Variants in ME1 observed in about 807,000 individuals in gnomAD.
ME1 encodes NADP-dependent malic enzyme.
Under a neutral mutation model 66.4 loss-of-function variants are expected in ME1, and 74 were observed. The observed-to-expected ratio is 1.11, with a 90% confidence interval of 0.92 to 1.35. ME1 has a LOEUF of 1.35. Ranked by LOEUF, ME1 falls within the 40% of genes most tolerant of loss-of-function variation. ME1 has a pLI of 0.00. For missense variants in ME1, 750 were observed against 694.1 expected, an observed-to-expected ratio of 1.08 and a Z score of -0.90; for synonymous variants, 251 against 235.6, an observed-to-expected ratio of 1.07 and a Z score of -0.60.
At chr6:83,390,223 A>G (rs1289609790) in intron 3 of ME1, among the ~76,000 whole-genome samples, 1 of 152,192 alleles carries the variant, frequency 6.6e-6, no homozygotes, top group African/African-American at 2.4e-5. Flanking sequence ...TTTGTTTGTA[A>G]CTATGTTAAG....
chr6:83,262,171 G>A (rs1014023090), intron 6 of ME1, among the ~76,000 whole-genome samples: 4 of 152,140 alleles, frequency 2.6e-5, no homozygotes, highest in African/African-American at 9.7e-5. Flanking sequence ...GCCATCTGAT[G>A]GACGGCAAAG....
chr6:83,350,947 A>G (rs1302975943), intron 4 of ME1, among the ~76,000 whole-genome samples: 2 of 136,594 alleles, frequency 1.5e-5, no homozygotes, highest in Non-Finnish European at 3.1e-5. Flanking sequence ...AGAAAAGCTG[A>G]GGAAGCAACT....
intron 3 of ME1, among the ~76,000 whole-genome samples, chr6:83,352,594 G>C (rs1768823002): frequency 6.6e-6 from 1 of 152,128 alleles, no homozygotes; most frequent in Non-Finnish European, 1.5e-5. Flanking sequence ...ATGTGTTAGA[G>C]ATGGCTGAAG....
At chr6:83,219,989 T>C (rs192776115) in intron 12 of ME1, among the ~76,000 whole-genome samples, 16 of 152,260 alleles carry the variant, frequency 1.1e-4, no homozygotes, top group African/African-American at 3.1e-4. Context: ...TATAGATTGT[T>C]AGCTATTTGA....
At chr6:83,288,729 T>C (rs566292143) in intron 6 of ME1, among the ~76,000 whole-genome samples, 108 of 152,352 alleles carry the variant, frequency 7.1e-4, no homozygotes, top group African/African-American at 2.5e-3. Context: ...GCATTGAATC[T>C]ATAAATTACT....
intron 5 of ME1, among the ~76,000 whole-genome samples, chr6:83,326,145 C>T (rs202173790): frequency 1.6e-4 from 25 of 151,944 alleles, no homozygotes; most frequent in East Asian, 7.7e-4. Flanking sequence ...AAACAAGCAA[C>T]GGGGAAAGGA....
intron 5 of ME1, among the ~76,000 whole-genome samples, chr6:83,330,376 T>TA (rs1314269625): frequency 6.6e-6 from 1 of 152,170 alleles, no homozygotes; most frequent in African/African-American, 2.4e-5. Flanking sequence ...CACATTCAGG[T>TA]AAGAGTCTAA....
Position 83,227,493 on chromosome 6 carries a change from G to A in ME1, c.1133-16C>T. On this transcript the variant is annotated splice_polypyrimidine_tract_variant and intron_variant, in intron 10 of 13. Transcript: ENST00000369705. ...GCAGCAACTCCTAATGAAGAAATAT[G>A]AAGCTGGTAATTAACACTATCATTG... The A allele has an allele frequency of 6.3e-7, 1 of 1,581,438 alleles. No individual in the cohort carries two copies. Among genetic ancestry groups the A allele is most frequent in the Non-Finnish European group, 8.6e-7 (1 of 1,159,546 alleles).
intron 6 of ME1, among the ~76,000 whole-genome samples, chr6:83,300,610 C>CTTTTTTTTT (rs35205380): frequency 4.5e-3 from 382 of 84,890 alleles, no homozygotes; most frequent in Non-Finnish European, 4.9e-3. Flanking sequence ...TTCTTTCTTT[C>CTTTTTTTTT]TTTTTTTTTT....
intron 5 of ME1, among the ~76,000 whole-genome samples, chr6:83,326,663 C>T (rs1395333666): frequency 6.6e-6 from 1 of 152,064 alleles, no homozygotes; most frequent in African/African-American, 2.4e-5. Context: ...TAGAGAAATG[C>T]CAATCAGAAC....
At chr6:83,275,350 A>AAATAAT (rs142521561) in intron 6 of ME1, among the ~76,000 whole-genome samples, 43 of 150,006 alleles carry the variant, frequency 2.9e-4, no homozygotes, top group Non-Finnish European at 4.7e-4. Flanking sequence ...AGAAACAAAC[A>AAATAAT]AATAATAATA....
intron 5 of ME1, among the ~76,000 whole-genome samples, chr6:83,345,085 T>C (rs1562486163): frequency 6.6e-6 from 1 of 152,170 alleles, no homozygotes; most frequent in Admixed American, 6.5e-5. Context: ...GCATCCTGAA[T>C]CTCCTGAGTT....
chr6:83,218,259 G>A (rs2128522717), intron 12 of ME1, among the ~76,000 whole-genome samples: 1 of 152,260 alleles, frequency 6.6e-6, no homozygotes, highest in South Asian at 2.1e-4. Flanking sequence ...CCTTCCAGAA[G>A]GCTGAGCTAG....
intron 5 of ME1, among the ~76,000 whole-genome samples, chr6:83,321,402 A>G (rs999992035): frequency 6.6e-6 from 1 of 152,174 alleles, no homozygotes; most frequent in Non-Finnish European, 1.5e-5. Context: ...GCTAAGATCC[A>G]CTGGCTTGAA....
intron 5 of ME1, among the ~76,000 whole-genome samples, chr6:83,333,576 T>C (rs1455855948): frequency 6.6e-6 from 1 of 152,174 alleles, no homozygotes; most frequent in Non-Finnish European, 1.5e-5. Flanking sequence ...GATTAGGATG[T>C]TTTACAGGTT....
chr6:83,331,159 C>T (rs1383394798), intron 5 of ME1, among the ~76,000 whole-genome samples: 1 of 152,104 alleles, frequency 6.6e-6, no homozygotes, highest in African/African-American at 2.4e-5. Flanking sequence ...AAGGTGTTGC[C>T]CCCAAATTCA....
At position 83,231,903 on chromosome 6, in the gene ME1, T is replaced by C. The variant is rs146430249; in HGVS notation, c.1027-2972A>G. 2.2e-3 allele frequency among the ~76,000 whole-genome samples: 342 copies of C among 152,320 alleles called. 1 individual carries two copies. Among genetic ancestry groups the C allele is most frequent in the African/African-American group, 7.6e-3 (315 of 41,580 alleles). On this transcript the variant is annotated intron_variant, in intron 9 of 13. Coordinates refer to ENST00000369705, the MANE Select transcript of ME1 (RefSeq NM_002395.6). ...TATTATGGATAGCTGAAACTTTATT[T>C]GTGATATTATTACTTTAATCTCCCC... is the stretch of plus-strand genomic sequence containing the variant.
At chr6:83,256,067 G>T (rs1766762648) in intron 6 of ME1, among the ~76,000 whole-genome samples, 1 of 152,082 alleles carries the variant, frequency 6.6e-6, no homozygotes, top group Admixed American at 6.6e-5. Context: ...TGTCATACTG[G>T]TTTATAAGCA....
rs1562455280 is a variant in ME1, at chr6:83,237,279, GGAAGGAAGGAAGGAA to G, written c.1026+423_1026+437del. Among the ~76,000 whole-genome samples the G allele has an allele frequency of 2.2e-3, 110 of 50,578 alleles. 11 individuals are homozygous for G. The highest frequency in any genetic ancestry group is 8.3e-3 in the African/African-American group (99 of 11,982). The allele number at this position is 50,578 out of a possible 152,430, so 33.2% of individuals were successfully genotyped here. On this transcript the variant is annotated intron_variant, in intron 9 of 13. Coordinates refer to ENST00000369705, the MANE Select transcript of ME1 (RefSeq NM_002395.6). ...AGAAAGAAAGAAAGAAAGAAAGAAA[GGAAGGAAGGAAGGAA>G]AGAAAGAAAAAGAAAGAAAGAAAAG...
Sources: allele counts gnomAD v4.1 joint callset (sites outside exome capture counted in the v4.1 genomes callset), GRCh38; gene constraint gnomAD v4.1.1; transcripts MANE v1.5; gene names NCBI Gene and HGNC (gene_info 2026-07-23, HGNC 2026-07-21).